HDHD5: variants seen among roughly 807,000 people sequenced by gnomAD.
HDHD5 encodes haloacid dehalogenase-like hydrolase domain-containing 5.
In HDHD5, 34 loss-of-function variants were observed where a neutral mutation model predicts 35.5. The ratio of observed to expected loss-of-function variants is 0.96; its 90% CI spans 0.73 to 1.28. The LOEUF is 1.28. Among genes scored for constraint, HDHD5 ranks in the 50% most tolerant of loss-of-function variants. The pLI is 0.00. For missense variants in HDHD5, 589 were observed against 560.2 expected (o/e 1.05, Z -0.52); for synonymous variants, 248 against 240.6 (o/e 1.03, Z -0.29).
Position 17,138,517 on chromosome 22 carries a change from T to C in HDHD5, c.935+33A>G, listed in dbSNP as rs116212625. 1.5e-4 allele frequency: 236 copies of C among 1,603,654 alleles called. 2 individuals carry two copies. The African/African-American group carries it at 2.9e-3, about 20-fold the overall frequency. On this transcript the variant is annotated intron_variant, in intron 7 of 7. Coordinates refer to ENST00000336737, the MANE Select transcript of HDHD5 (RefSeq NM_033070.3). The stretch of plus-strand genomic sequence containing the variant: ...GGAGGAGGGAGAGAAGGGGATGTCA[T>C]AAAAGGGACAAAGGAGGGAGAGCAG...
At position 17,149,000 on chromosome 22, in the gene HDHD5, T is replaced by G. The variant is rs572788325; in HGVS notation, c.331-440A>C. 2.4e-4 allele frequency among the ~76,000 whole-genome samples: 37 copies of G among 152,364 alleles called. 1 individual carries two copies. The South Asian group carries it at 7.0e-3, about 29-fold the overall frequency. On this transcript the variant is annotated intron_variant, in intron 2 of 7. Coordinates refer to ENST00000336737, the MANE Select transcript of HDHD5 (RefSeq NM_033070.3). Reference sequence around the variant, plus strand: ...ATGCAGCCTTTACTTGGAAGGTTTTTGGAATTCTCTCTGGAAATCACAGCA... The same window carrying G: ...ATGCAGCCTTTACTTGGAAGGTTTTGGGAATTCTCTCTGGAAATCACAGCA...
At chr22:17,157,965 G>A (rs1351272411) in intron 1 of HDHD5, among the ~76,000 whole-genome samples, 9 of 152,138 alleles carry the variant, frequency 5.9e-5, no homozygotes, top group African/African-American at 1.9e-4. Context: ...AAGATTATAC[G>A]AATAACTGTG....
At chr22:17,163,516 A>G (rs2061875536), upstream of HDHD5, among the ~76,000 whole-genome samples, 1 of 152,124 alleles carries the variant, frequency 6.6e-6, no homozygotes, top group Non-Finnish European at 1.5e-5. Flanking sequence ...GAGACCATAC[A>G]CTTCCCATCC....
At position 17,138,012 on chromosome 22, in the gene HDHD5, G is replaced by A. The variant is rs1294286762; in HGVS notation, c.*9C>T. ...CCAGGCTCACCCCCTCACCTCCACC[G>A]CACTGCCCTCACTCCAAAGCCCAGC... On this transcript the variant is annotated 3_prime_UTR_variant, in exon 8 of 8. Coordinates refer to ENST00000336737, the MANE Select transcript of HDHD5 (RefSeq NM_033070.3). 7 of 1,603,818 alleles carry A rather than the reference G, an allele frequency of 4.4e-6. No individual in the cohort carries two copies. The highest frequency in any genetic ancestry group is 2.2e-5 in the South Asian group (2 of 90,306).
intron 3 of HDHD5, among the ~76,000 whole-genome samples, chr22:17,148,004 GCAGGCTCCCAGAGA>G (rs1568945130): frequency 1.3e-5 from 2 of 152,204 alleles, no homozygotes; most frequent in African/African-American, 4.8e-5. Context: ...GTATTATTCC[GCAGGCTCCCAGAGA>G]CAGGCTCCCG....
At chr22:17,164,512 A>G (rs746077548) in intron 1 of HDHD5, among the ~76,000 whole-genome samples, 7 of 152,134 alleles carry the variant, frequency 4.6e-5, no homozygotes, top group Non-Finnish European at 8.8e-5. Flanking sequence ...CCAGGCTCCT[A>G]TTTTGCTCCC....
chr22:17,150,831 A>T (rs951778017), intron 1 of HDHD5, among the ~76,000 whole-genome samples: 2 of 152,104 alleles, frequency 1.3e-5, no homozygotes, highest in Non-Finnish European at 2.9e-5. Context: ...ATCATTCCAT[A>T]TTAATTATGC....
chr22:17,138,133 C>T lies in HDHD5; in HGVS notation c.1160G>A (p.Gly387Glu), dbSNP rs200356314. Residue 387 changes from glycine to glutamate, a missense_variant, in exon 8 of 8, where the codon GGG becomes GAG. Physicochemically the swap from Gly to Glu is moderately conservative, Grantham distance 98. Coordinates refer to ENST00000336737, the MANE Select transcript of HDHD5 (RefSeq NM_033070.3). The stretch of plus-strand genomic sequence containing the variant: ...TGGACTGAAGCATAAGTCTCGGTGC[C>T]CGTGGAATGGAGGCTCCCCTCCTCC... ...VLGGGEPPFH[G>E]HRDLCFSPGL... 7.4e-5 allele frequency: 119 copies of T among 1,614,052 alleles called. No individual in the cohort carries two copies. The highest frequency in any genetic ancestry group is 7.8e-5 in the Non-Finnish European group (92 of 1,180,042).
upstream of HDHD5, chr22:17,159,785 G>C (rs1469443703): frequency 3.5e-6 from 1 of 283,646 alleles, no homozygotes; most frequent in Admixed American, 6.0e-5. Context: ...CTGCGCACGT[G>C]AGTCCGCCCC....
Position 17,153,829 on chromosome 22 carries a change from G to A in HDHD5, c.127-4084C>T, listed in dbSNP as rs1303169353. ...GGTTAGGGAGAAATAGATACTTCCC[G>A]ACCACCCTATCCCTTTCTGAAGGAA... On this transcript the variant is annotated intron_variant, in intron 1 of 7. Transcript: ENST00000336737. Among the ~76,000 whole-genome samples the A allele has an allele frequency of 1.1e-4, 17 of 152,102 alleles. No individual in the cohort carries two copies. In the South Asian group the frequency reaches 2.1e-3, roughly 19 times the overall value.
At chr22:17,143,056 G>A (rs777092962) in intron 5 of HDHD5, 42 bp downstream of exon 5, 58 of 1,601,912 alleles carry the variant, frequency 3.6e-5, no homozygotes, top group Middle Eastern at 1.7e-4. Context: ...GAGAGGAGAC[G>A]GAGAAAAGAC....
chr22:17,155,067 C>G (rs1041102190), intron 1 of HDHD5, among the ~76,000 whole-genome samples: 5 of 152,160 alleles, frequency 3.3e-5, no homozygotes, highest in African/African-American at 1.2e-4. Flanking sequence ...AAATGTTAAT[C>G]ATTGCTCAAT....
At chr22:17,145,161 GATGCCTTTCTGA>G (rs1568942766) in intron 3 of HDHD5, 44 bp from the exon 4 acceptor site, 3 of 1,611,516 alleles carry the variant, frequency 1.9e-6, no homozygotes, top group Non-Finnish European at 2.5e-6. Flanking sequence ...TCTTGGGGAA[GATGCCTTTCTGA>G]ATGCATCAAA....
intron 4 of HDHD5, among the ~76,000 whole-genome samples, chr22:17,144,061 C>CA (rs2061629467): frequency 6.6e-6 from 1 of 152,160 alleles, no homozygotes; most frequent in Non-Finnish European, 1.5e-5. Context: ...CTACCTCTCC[C>CA]GAGGGCAGCT....
At chr22:17,163,303 A>G (rs1201653926), upstream of HDHD5, among the ~76,000 whole-genome samples, 1 of 152,172 alleles carries the variant, frequency 6.6e-6, no homozygotes, top group Non-Finnish European at 1.5e-5. Flanking sequence ...ACCTGGCTTC[A>G]GAGGTCCAGG....
At chr22:17,159,086 T>TGAGTGGC (rs778783160) in intron 1 of HDHD5, 40 bp downstream of exon 1, 77 of 1,233,752 alleles carry the variant, frequency 6.2e-5, no homozygotes, top group Non-Finnish European at 7.4e-5. Flanking sequence ...CCTCCGGCCC[T>TGAGTGGC]GAGTGGCGAG....
intron 4 of HDHD5, 133 bp downstream of exon 4, chr22:17,144,891 C>G: frequency 9.1e-7 from 1 of 1,095,168 alleles, no homozygotes; most frequent in Middle Eastern, 2.0e-4. Flanking sequence ...AAACCCTTAG[C>G]CAGATGTGCC....
intron 1 of HDHD5, among the ~76,000 whole-genome samples, chr22:17,150,988 C>G (rs2061719194): frequency 6.6e-6 from 1 of 152,184 alleles, no homozygotes; most frequent in African/African-American, 2.4e-5. Context: ...TTCAGGAATA[C>G]TGATTTTTTT....
chr22:17,149,225 C>T (rs973260512), intron 2 of HDHD5, among the ~76,000 whole-genome samples: 1 of 152,216 alleles, frequency 6.6e-6, no homozygotes, highest in Non-Finnish European at 1.5e-5. Flanking sequence ...CCTTCAGGTG[C>T]ACACATCATA....
Sources: gnomAD v4.1 joint callset for allele counts (sites outside exome capture counted in the v4.1 genomes callset) on GRCh38, gnomAD v4.1.1 for gene constraint, MANE v1.5 for transcripts, NCBI Gene and HGNC (gene_info 2026-07-23, HGNC 2026-07-21) for gene names.